The following TENM2 variants were observed in gnomAD, a reference collection of about 807,000 sequenced individuals.
TENM2 encodes the protein teneurin-2.
Under a neutral mutation model 245.2 loss-of-function variants are expected in TENM2, and 52 were observed. That is an observed-to-expected ratio of 0.21 (90% confidence interval 0.17 to 0.27). TENM2 has a LOEUF of 0.27. TENM2 is among the 10% of genes least tolerant of loss of function. The pLI is 1.00. For missense variants in TENM2, 3,046 were observed against 3,666.8 expected (o/e 0.83, Z 4.37); for synonymous variants, 1,363 against 1,438.9 (o/e 0.95, Z 1.19).
At chr5:167,986,691 G>A (rs1783271749) in intron 4 of TENM2, among the ~76,000 whole-genome samples, 1 of 152,164 alleles carries the variant, frequency 6.6e-6, no homozygotes, top group South Asian at 2.1e-4. Flanking sequence ...TTTTGCTGAT[G>A]CCTGGAGTCC....
the TENM2 span, among the ~76,000 whole-genome samples, chr5:167,217,016 A>G: frequency 2.0e-5 from 3 of 152,286 alleles, no homozygotes; most frequent in East Asian, 5.8e-4. Flanking sequence ...TTATCTGAAT[A>G]TTACATTTTC....
chr5:168,112,598 G>A (rs565931085), intron 9 of TENM2, among the ~76,000 whole-genome samples: 6 of 129,806 alleles, frequency 4.6e-5, no homozygotes, highest in Non-Finnish European at 9.9e-5. Context: ...AATACAGTGT[G>A]CAGTGGGCGG....
chr5:167,430,156 T>A (rs1301021512), intron 2 of TENM2, among the ~76,000 whole-genome samples: 1 of 152,096 alleles, frequency 6.6e-6, no homozygotes, highest in Non-Finnish European at 1.5e-5. Flanking sequence ...CGGAGAGGTT[T>A]GTCTGGAAGG....
chr5:167,222,752 G>A, the TENM2 span, among the ~76,000 whole-genome samples: 2 of 152,066 alleles, frequency 1.3e-5, no homozygotes, highest in Non-Finnish European at 2.9e-5. Flanking sequence ...ATGCCTCTCT[G>A]TTGCTGTTTA....
intron 2 of TENM2, among the ~76,000 whole-genome samples, chr5:167,441,718 C>T (rs956475250): frequency 3.3e-5 from 5 of 152,152 alleles, no homozygotes; most frequent in South Asian, 2.1e-4. Flanking sequence ...CGCTTTCATA[C>T]GTATGTTGAT....
At chr5:167,889,477 C>T (rs904523839) in intron 3 of TENM2, among the ~76,000 whole-genome samples, 2 of 152,182 alleles carry the variant, frequency 1.3e-5, no homozygotes, top group African/African-American at 4.8e-5. Flanking sequence ...CACTCGTTCC[C>T]AGTTCCCAAG....
chr5:167,669,938 A>G (rs186931069), intron 2 of TENM2, among the ~76,000 whole-genome samples: 6 of 152,172 alleles, frequency 3.9e-5, no homozygotes, highest in Non-Finnish European at 8.8e-5. Flanking sequence ...AATAGTCCTC[A>G]TGAGAATGTT....
chr5:168,036,677 G>GTATATA (rs60784450), intron 5 of TENM2, among the ~76,000 whole-genome samples: 13,939 of 117,440 alleles, frequency 0.12, 1,200 homozygotes, highest in African/African-American at 0.18. Flanking sequence ...ATATGTATGT[G>GTATATA]TATATATATA....
chr5:167,458,823 A>G (rs79198723), intron 2 of TENM2, among the ~76,000 whole-genome samples: 3,380 of 152,316 alleles, frequency 0.022, 60 homozygotes, highest in South Asian at 0.1. Context: ...GACAGTTTAA[A>G]TAACTGATCC....
At chr5:167,653,488 T>C (rs1000692504) in intron 2 of TENM2, 23 of 152,334 alleles carry the variant, frequency 1.5e-4, no homozygotes, top group Middle Eastern at 6.8e-3. Context: ...GCTTACTAAT[T>C]CTAAATACTA....
intron 5 of TENM2, among the ~76,000 whole-genome samples, chr5:167,998,719 C>T (rs1017029029): frequency 3.3e-5 from 5 of 152,042 alleles, no homozygotes; most frequent in African/African-American, 1.2e-4. Context: ...TGTCTTTTTT[C>T]ACTACAGTAA....
chr5:167,932,108 C>T (rs955835631), intron 3 of TENM2, among the ~76,000 whole-genome samples: 3 of 152,272 alleles, frequency 2.0e-5, no homozygotes, highest in African/African-American at 4.8e-5. Flanking sequence ...ACTGCAGGTG[C>T]AGGAGGGGGA....
intron 2 of TENM2, among the ~76,000 whole-genome samples, chr5:167,739,818 G>A (rs1010958846): frequency 6.6e-6 from 1 of 152,096 alleles, no homozygotes; most frequent in East Asian, 1.9e-4. Flanking sequence ...GCAGAGTTGA[G>A]ACATTACCTT....
intron 2 of TENM2, among the ~76,000 whole-genome samples, chr5:167,851,491 C>G (rs954272424): frequency 1.3e-5 from 2 of 152,198 alleles, no homozygotes; most frequent in Non-Finnish European, 2.9e-5. Flanking sequence ...CATATCCTTT[C>G]TAGATGTTAT....
At chr5:167,442,923 C>T (rs913798641) in intron 2 of TENM2, among the ~76,000 whole-genome samples, 2 of 152,126 alleles carry the variant, frequency 1.3e-5, no homozygotes, top group Non-Finnish European at 2.9e-5. Context: ...AGGAACCCTG[C>T]TCCAATTATT....
intron 5 of TENM2, among the ~76,000 whole-genome samples, chr5:168,032,474 G>A (rs944310775): frequency 6.6e-6 from 1 of 152,160 alleles, no homozygotes; most frequent in Admixed American, 6.5e-5. Flanking sequence ...AGGCAAGTAG[G>A]GCAGGGGAGG....
chr5:167,326,233 T>C (rs779687401), intron 1 of TENM2, among the ~76,000 whole-genome samples: 8 of 152,170 alleles, frequency 5.3e-5, no homozygotes, highest in Non-Finnish European at 1.2e-4. Context: ...GCAGGATATA[T>C]TTGATAGTCT....
intron 2 of TENM2, among the ~76,000 whole-genome samples, chr5:167,816,378 C>T (rs1767058432): frequency 6.6e-6 from 1 of 152,182 alleles, no homozygotes; most frequent in South Asian, 2.1e-4. Context: ...TTACCTTTAA[C>T]TTCAGGAAAC....
chr5:168,132,180 G>A (rs1457919211), intron 12 of TENM2, among the ~76,000 whole-genome samples: 1 of 152,064 alleles, frequency 6.6e-6, no homozygotes, highest in Non-Finnish European at 1.5e-5. Flanking sequence ...CAGACTTACA[G>A]AAACATGTTT....
Sources: gnomAD v4.1 joint callset for allele counts (sites outside exome capture counted in the v4.1 genomes callset) on GRCh38, gnomAD v4.1.1 for gene constraint, MANE v1.5 for transcripts, NCBI Gene and HGNC (gene_info 2026-07-23, HGNC 2026-07-21) for gene names.